HDC: variants seen among roughly 807,000 people sequenced by gnomAD.
HDC encodes histidine decarboxylase.
In HDC, 27 loss-of-function variants were observed where a neutral mutation model predicts 64.4. The observed-to-expected ratio is 0.42, with a 90% CI of 0.31 to 0.58. The LOEUF (loss-of-function observed/expected upper bound fraction) is 0.58, where lower values mean the gene tolerates loss of function less well. Among genes scored for constraint, HDC ranks in the 20% least tolerant of loss-of-function variants. The pLI is 0.16. For missense variants in HDC, 711 were observed against 833.9 expected (o/e 0.85, Z 1.81); for synonymous variants, 305 against 314.2 (o/e 0.97, Z 0.31).
intron 9 of HDC, among the ~76,000 whole-genome samples, chr15:50,251,795 G>A (rs1016413254): frequency 4.0e-5 from 6 of 151,106 alleles, no homozygotes; most frequent in African/African-American, 1.5e-4. Context: ...TGGCGCCACT[G>A]CTCTCCAGCC....
chr15:50,244,848 C>G (rs1230906180), intron 10 of HDC: 1 of 152,150 alleles, frequency 6.6e-6, no homozygotes, highest in Non-Finnish European at 1.5e-5. Context: ...AGAACTCCCA[C>G]CTGGGCTATG....
At chr15:50,265,116 T>C (rs1413027811) in intron 1 of HDC, among the ~76,000 whole-genome samples, 1 of 152,212 alleles carries the variant, frequency 6.6e-6, no homozygotes, top group African/African-American at 2.4e-5. Flanking sequence ...TTTTGCCTGA[T>C]ACAGAGTAGG....
Position 50,242,017 on chromosome 15 carries a change from G to GC in HDC, c.*242dup. ...TGTCACAAGCTGAACCACAGAAGCT[G>GC]CCTGTCTACCCTCGGCCCTTTCTCA... On this transcript the variant is annotated 3_prime_UTR_variant, in exon 12 of 12. Transcript: ENST00000267845. 1 of 582,268 alleles carries GC rather than the reference G, an allele frequency of 1.7e-6. No homozygotes were observed. Among genetic ancestry groups the GC allele is most frequent in the Non-Finnish European group, 3.1e-6 (1 of 327,368 alleles). The allele number at this position is 582,268 out of a possible 1,614,324, so 36.1% of individuals were successfully genotyped here.
At chr15:50,254,369 T>G (rs1300123315) in intron 5 of HDC, 96 bp from the exon 6 acceptor site, 18 of 1,552,152 alleles carry the variant, frequency 1.2e-5, no homozygotes, top group Non-Finnish European at 1.4e-5. Flanking sequence ...CCAAATATGA[T>G]CATTGGAAGC....
chr15:50,253,804 C>T, intron 6 of HDC, 138 bp from the exon 7 acceptor site: 1 of 755,220 alleles, frequency 1.3e-6, no homozygotes, highest in Non-Finnish European at 2.4e-6. Context: ...TGTGTTTTAC[C>T]ATGGCTCGTA....
chr15:50,242,470 A>C lies in HDC; in HGVS notation c.1779T>G (p.Ser593Arg). ...CCTCTGTGGGCAGTGGCTTCTGAGC[A>C]CTCACTGGCACACTGTTGCAACTGA... ...RSLSCNSVPV[S>R]AQKPLPTEAS... The change falls in exon 12 of 12, where the codon AGT becomes AGG. Residue 593 changes from serine to arginine, a missense_variant. Ser to Arg is a moderately radical substitution (Grantham distance 110). This residue lies in a region of HDC where 483 missense variants were observed against 540.9 expected (regional missense o/e 0.89). Transcript: ENST00000267845. 6.2e-7 allele frequency: 1 copy of C among 1,614,094 alleles called. No individual in the cohort carries two copies. Among genetic ancestry groups the C allele is most frequent in the Middle Eastern group, 1.7e-4 (1 of 6,060 alleles).
In HDC at chr15:50,243,322, G is replaced by A. The variant is rs1186294211; in HGVS notation, c.1141-78C>T. On this transcript the variant is annotated intron_variant, in intron 10 of 11. Transcript: ENST00000267845. ...TGCATAAACTTTCAGACTGCTAAATGGTTTTAAACCAGGGCCATCTTCCCG... is the reference window on the plus strand; with the variant it reads ...TGCATAAACTTTCAGACTGCTAAATAGTTTTAAACCAGGGCCATCTTCCCG... The A allele has an allele frequency of 3.1e-6, 3 of 982,568 alleles. No individual in the cohort carries two copies. In the African/African-American group the frequency reaches 4.8e-5, roughly 16 times the overall value. The allele number at this position is 982,568 out of a possible 1,614,324, so 60.9% of individuals were successfully genotyped here. A position where few individuals can be genotyped will look rare whatever the true frequency, so the allele number is the denominator to read the frequency against.
At chr15:50,263,214 C>G in intron 2 of HDC, 21 bp downstream of exon 2, 1 of 1,613,704 alleles carries the variant, frequency 6.2e-7, no homozygotes, top group Non-Finnish European at 8.5e-7. Flanking sequence ...CAGAACTGCC[C>G]TTGTGGTCAC....
At chr15:50,258,311 C>T in intron 3 of HDC, 93 bp downstream of exon 3, 2 of 733,128 alleles carry the variant, frequency 2.7e-6, no homozygotes, top group Non-Finnish European at 5.0e-6. Context: ...ATTGTGGAGC[C>T]ATATTCAGAA....
chr15:50,249,740 G>A (rs2045529871), intron 9 of HDC, among the ~76,000 whole-genome samples: 1 of 152,234 alleles, frequency 6.6e-6, no homozygotes, highest in Non-Finnish European at 1.5e-5. Context: ...CTGGTTTCCA[G>A]ATAGTTATAG....
intron 9 of HDC, among the ~76,000 whole-genome samples, chr15:50,249,830 G>C (rs976810829): frequency 6.6e-6 from 1 of 152,138 alleles, no homozygotes; most frequent in African/African-American, 2.4e-5. Context: ...ATTTTATTTT[G>C]ATTTCTTCAC....
At chr15:50,254,309 A>C (rs746114189) in intron 5 of HDC, 36 bp from the exon 6 acceptor site, 13 of 1,612,992 alleles carry the variant, frequency 8.1e-6, no homozygotes, top group Non-Finnish European at 1.1e-5. Flanking sequence ...GCAAAGAGTC[A>C]TCCTGGAATG....
intron 6 of HDC, 86 bp downstream of exon 6, chr15:50,254,044 G>T (rs993332197): frequency 7.2e-7 from 1 of 1,396,436 alleles, no homozygotes; most frequent in Non-Finnish European, 1.0e-6. Flanking sequence ...TTTGTGTGCA[G>T]CATGTTACTT....
At chr15:50,253,518 A>C in intron 7 of HDC, 82 bp downstream of exon 7, 5 of 1,204,248 alleles carry the variant, frequency 4.2e-6, no homozygotes, top group Non-Finnish European at 6.2e-6. Flanking sequence ...ATAATCCCAT[A>C]GAGCTGGTTT....
chr15:50,254,662 G>T lies in HDC; in HGVS notation c.444C>A (p.Ser148Arg). 1 of 1,614,032 alleles carries T rather than the reference G, an allele frequency of 6.2e-7. No individual in the cohort carries two copies. The highest frequency in any genetic ancestry group is 8.5e-7 in the Non-Finnish European group (1 of 1,179,982). The change falls in exon 5 of 12, where the codon AGC becomes AGA. Residue 148 changes from serine (S) to arginine (R), a missense_variant and splice_region_variant. Around this residue, in one of 3 missense-constraint regions of HDC, gnomAD observed 225 missense variants for 276.2 expected, o/e 0.81. Transcript: ENST00000267845. ...CAATCAAAGTGGATTCACTGACCGT[G>T]CTCTGCAGGGGAAAAGGATTATCAT... is the stretch of plus-strand genomic sequence containing the variant. Reference protein sequence around the residue: ...PSSQGGGVLQSTVSESTLIAL... With the variant: ...PSSQGGGVLQRTVSESTLIAL...
intron 9 of HDC, among the ~76,000 whole-genome samples, chr15:50,251,205 A>C (rs1257272142): frequency 6.6e-6 from 1 of 152,250 alleles, no homozygotes; most frequent in African/African-American, 2.4e-5. Context: ...GTTAGTAAAC[A>C]GAAAGCCAGG....
chr15:50,254,755 TC>T, intron 4 of HDC, 91 bp from the exon 5 acceptor site: 2 of 998,878 alleles, frequency 2.0e-6, no homozygotes, highest in Admixed American at 2.0e-5. Context: ...TCTCTCTCTC[TC>T]TCTCTCTCTC....
At chr15:50,256,840 A>T (rs764207753) in intron 4 of HDC, among the ~76,000 whole-genome samples, 46 of 152,264 alleles carry the variant, frequency 3.0e-4, no homozygotes, top group Admixed American at 5.2e-4. Flanking sequence ...CTTAGAACCA[A>T]GCCCTCATGA....
Position 50,252,431 on chromosome 15 carries a change from A to G in HDC, c.1040T>C (p.Met347Thr). The G allele has an allele frequency of 6.2e-7, 1 of 1,613,396 alleles. No homozygotes were observed. Among genetic ancestry groups the G allele is most frequent in the Non-Finnish European group, 8.5e-7 (1 of 1,179,312 alleles). Residue 347 changes from methionine to threonine, a missense_variant and splice_region_variant, in exon 9 of 12, where the codon ATG becomes ACG. Transcript: ENST00000267845. ...HANSGVATDF[M>T]HWQIPLSRRF... Reference sequence around the variant, plus strand: ...GGCTGCCCGTCCCTGGCCACTCACCATGAAGTCGGTGGCCACGCCTGAGTT... The same window carrying G: ...GGCTGCCCGTCCCTGGCCACTCACCGTGAAGTCGGTGGCCACGCCTGAGTT...
Sources: gnomAD v4.1 joint callset for allele counts (sites outside exome capture counted in the v4.1 genomes callset) on GRCh38, gnomAD v4.1.1 for gene constraint, gnomAD v4.1.1 regional missense constraint, MANE v1.5 for transcripts, NCBI Gene and HGNC (gene_info 2026-07-23, HGNC 2026-07-21) for gene names.